MACROD1: variants seen among roughly 807,000 people sequenced by gnomAD.
The protein encoded by MACROD1 is ADP-ribose glycohydrolase MACROD1.
In MACROD1, 31 loss-of-function variants were observed where a neutral mutation model predicts 41.4. The ratio of observed to expected loss-of-function variants is 0.75; its 90% CI spans 0.56 to 1.01. MACROD1 has a LOEUF of 1.01. MACROD1 is among the 50% of genes least tolerant of loss of function. MACROD1 has a pLI of 0.00. For missense variants in MACROD1, 473 were observed against 460.0 expected (o/e 1.03, Z -0.26); for synonymous variants, 252 against 203.4 (o/e 1.24, Z -2.03).
intron 3 of MACROD1, among the ~76,000 whole-genome samples, chr11:64,105,488 T>C (rs1944745551): frequency 6.6e-6 from 1 of 152,178 alleles, no homozygotes; most frequent in African/African-American, 2.4e-5. Flanking sequence ...ATGCCTCCCC[T>C]TTCTGCACTG....
chr11:64,070,315 T>A (rs1306213549), intron 3 of MACROD1, among the ~76,000 whole-genome samples: 2 of 152,064 alleles, frequency 1.3e-5, no homozygotes, highest in African/African-American at 2.4e-5. Flanking sequence ...CTCCTCATGT[T>A]CCCTGGGGGC....
intron 3 of MACROD1, among the ~76,000 whole-genome samples, chr11:64,135,167 G>A (rs1945316017): frequency 6.6e-6 from 1 of 152,228 alleles, no homozygotes; most frequent in South Asian, 2.1e-4. Context: ...GGCACCTGAG[G>A]GGAGCCAGCT....
In MACROD1 at chr11:64,064,974, C is replaced by T. The variant is rs895600128; in HGVS notation, c.518-49693G>A. ...GAGACAGACTCAGGGTCTTTCCCTA[C>T]ACTCCAGAGCACAGGCTAGTTGGAA... On this transcript the variant is annotated intron_variant, in intron 3 of 10. Coordinates refer to ENST00000255681, the MANE Select transcript of MACROD1 (RefSeq NM_014067.4). The surrounding 1 kb of genome is among the most constrained non-coding windows in gnomAD (Gnocchi z 4.5). 3.3e-5 allele frequency among the ~76,000 whole-genome samples: 5 copies of T among 152,214 alleles called. No homozygotes were observed. Among genetic ancestry groups the T allele is most frequent in the African/African-American group, 4.8e-5 (2 of 41,458 alleles).
At chr11:64,136,895 T>C (rs1172871045) in intron 3 of MACROD1, among the ~76,000 whole-genome samples, 1 of 151,720 alleles carries the variant, frequency 6.6e-6, no homozygotes, top group Non-Finnish European at 1.5e-5. Context: ...GATGAGGAAG[T>C]GGGGGTGCCA....
chr11:64,143,801 C>CACACACACACACA (rs762084927), intron 3 of MACROD1, among the ~76,000 whole-genome samples: 2 of 144,854 alleles, frequency 1.4e-5, no homozygotes, highest in Admixed American at 6.9e-5. Flanking sequence ...CACACACACA[C>CACACACACACACA]AATTTCCTGG....
At chr11:64,074,851 C>A (rs1446918918) in intron 3 of MACROD1, among the ~76,000 whole-genome samples, 1 of 152,214 alleles carries the variant, frequency 6.6e-6, no homozygotes, top group East Asian at 1.9e-4. Context: ...CTGGTGAGCT[C>A]TGACCTCACT....
intron 3 of MACROD1, chr11:64,127,018 GTGCCCACC>G (rs1301224951): frequency 6.6e-6 from 1 of 152,114 alleles, no homozygotes. Context: ...GCCTGGCCTC[GTGCCCACC>G]TGCTTCGCTC....
At position 64,117,986 on chromosome 11, in the gene MACROD1, C is replaced by T. The variant is rs372121350; in HGVS notation, c.517+33253G>A. On this transcript the variant is annotated intron_variant, in intron 3 of 10. Transcript: ENST00000255681. ...TCCTCTTCCTGGTCCTGGGGGCCAT[C>T]TGCTGGTACGTGCACCAGGCTGGCG... 176 of 1,613,718 alleles carry T rather than the reference C, an allele frequency of 1.1e-4. No individual in the cohort carries two copies. The highest frequency in any genetic ancestry group is 1.4e-4 in the Non-Finnish European group (165 of 1,180,024).
At chr11:64,023,624 C>T (rs1265523228) in intron 3 of MACROD1, among the ~76,000 whole-genome samples, 2 of 152,130 alleles carry the variant, frequency 1.3e-5, no homozygotes, top group East Asian at 3.9e-4. Context: ...CTGCTCAAAG[C>T]TGCTGGGGTG....
At chr11:64,098,237 C>T (rs1344484786) in intron 3 of MACROD1, among the ~76,000 whole-genome samples, 4 of 152,220 alleles carry the variant, frequency 2.6e-5, no homozygotes, top group African/African-American at 9.6e-5. Flanking sequence ...CCAGGCCCCT[C>T]AGTGCAGCAT....
intron 3 of MACROD1, among the ~76,000 whole-genome samples, chr11:64,021,902 G>A (rs760537621): frequency 2.1e-5 from 3 of 139,978 alleles, no homozygotes; most frequent in Non-Finnish European, 3.1e-5. Flanking sequence ...GCCAGAGGCC[G>A]AGAAGGAAAT....
intron 4 of MACROD1, among the ~76,000 whole-genome samples, chr11:64,004,613 C>T (rs1378246630): frequency 6.6e-6 from 1 of 152,150 alleles, no homozygotes; most frequent in African/African-American, 2.4e-5. Context: ...CTCTCTGCTC[C>T]CCCATTCCCC....
intron 3 of MACROD1, among the ~76,000 whole-genome samples, chr11:64,074,196 CAGAG>C (rs890151589): frequency 1.3e-5 from 2 of 152,238 alleles, no homozygotes; most frequent in Admixed American, 1.3e-4. Context: ...GAAACCGAGG[CAGAG>C]AGAAAGGAGG....
At chr11:64,068,810 T>A (rs1944053037) in intron 3 of MACROD1, among the ~76,000 whole-genome samples, 1 of 152,198 alleles carries the variant, frequency 6.6e-6, no homozygotes, top group Admixed American at 6.5e-5. Context: ...CCCCATCCTT[T>A]GTGGGCCTGT....
intron 3 of MACROD1, among the ~76,000 whole-genome samples, chr11:64,018,921 A>G (rs569433474): frequency 3.9e-5 from 6 of 152,080 alleles, no homozygotes; most frequent in Admixed American, 2.0e-4. Context: ...GAGGTGGGGG[A>G]TGGGCACTGG....
At chr11:64,154,309 T>C (rs1945631908) in intron 1 of MACROD1, among the ~76,000 whole-genome samples, 1 of 152,122 alleles carries the variant, frequency 6.6e-6, no homozygotes, top group Non-Finnish European at 1.5e-5. Context: ...TCTTCCCTCT[T>C]TTTTACTCGA....
intron 3 of MACROD1, among the ~76,000 whole-genome samples, chr11:64,143,743 GACACACACATAC>G (rs71045733): frequency 0.23 from 16,490 of 71,156 alleles, 1,415 homozygotes; most frequent in Admixed American, 0.36. Context: ...CCCCAACCCC[GACACACACATAC>G]ACACACACAC....
intron 3 of MACROD1, among the ~76,000 whole-genome samples, chr11:64,034,542 A>T (rs1943338049): frequency 6.6e-6 from 1 of 152,244 alleles, no homozygotes; most frequent in African/African-American, 2.4e-5. Context: ...TGCAGAGCGC[A>T]CAGAGGCCAG....
intron 3 of MACROD1, among the ~76,000 whole-genome samples, chr11:64,056,776 G>A (rs1259292373): frequency 1.3e-5 from 2 of 152,140 alleles, no homozygotes; most frequent in East Asian, 1.9e-4. Context: ...GGGGTAGTGC[G>A]AACCCTGGGC....
Sources: allele counts gnomAD v4.1 joint callset (sites outside exome capture counted in the v4.1 genomes callset), GRCh38; gene constraint gnomAD v4.1.1; non-coding constraint Gnocchi (gnomAD v3.1); transcripts MANE v1.5; gene names NCBI Gene and HGNC (gene_info 2026-07-23, HGNC 2026-07-21).